RTN4: variants seen among roughly 807,000 people sequenced by gnomAD.
RTN4 encodes reticulon 4.
A neutral mutation model predicts 90.4 loss-of-function variants in RTN4; 32 were observed. The observed-to-expected ratio is 0.35, with a 90% CI of 0.27 to 0.48. RTN4 has a LOEUF of 0.48. RTN4 is among the 20% of genes least tolerant of loss of function. The pLI is 0.99. For synonymous variants in RTN4, 629 were observed against 552.5 expected (o/e 1.14, Z -1.94); for missense variants, 1,706 against 1,430.2 (o/e 1.19, Z -3.11).
chr2:55,113,025 T>C (rs550100132), upstream of RTN4, among the ~76,000 whole-genome samples: 4 of 152,280 alleles, frequency 2.6e-5, no homozygotes, highest in East Asian at 7.7e-4. Context: ...GGGAGCTCAG[T>C]GGATGGTCCA....
chr2:55,137,375 G>C, the RTN4 span, among the ~76,000 whole-genome samples: 3 of 152,162 alleles, frequency 2.0e-5, no homozygotes, highest in Admixed American at 6.5e-5. Context: ...TGACGCTACG[G>C]AGTCAGGAAA....
At chr2:55,092,237 T>C (rs1558876537) in intron 1 of RTN4, among the ~76,000 whole-genome samples, 1 of 150,538 alleles carries the variant, frequency 6.6e-6, no homozygotes, top group Non-Finnish European at 1.5e-5. Context: ...TTTTTTCTTT[T>C]CTTTTTTTTT....
At chr2:55,087,222 A>G (rs1668857119) in intron 1 of RTN4, among the ~76,000 whole-genome samples, 2 of 152,176 alleles carry the variant, frequency 1.3e-5, no homozygotes, top group Non-Finnish European at 2.9e-5. Flanking sequence ...GTTTCTGTTC[A>G]GTATATACCT....
At chr2:55,125,892 TC>T in the RTN4 span, among the ~76,000 whole-genome samples, 9 of 149,430 alleles carry the variant, frequency 6.0e-5, no homozygotes, top group Non-Finnish European at 1.2e-4. Context: ...AAACCCCATC[TC>T]TAATAAAAAT....
chr2:55,073,868 GCCAGGA>G (rs1271542088), intron 2 of RTN4, among the ~76,000 whole-genome samples: 1 of 152,198 alleles, frequency 6.6e-6, no homozygotes, highest in Non-Finnish European at 1.5e-5. Context: ...TGGTGGCAGT[GCCAGGA>G]CCTGAGCTCA....
the RTN4 span, among the ~76,000 whole-genome samples, chr2:55,136,856 T>C: frequency 6.6e-6 from 1 of 152,220 alleles, no homozygotes; most frequent in East Asian, 1.9e-4. Flanking sequence ...CCTACTTAAT[T>C]GAATTCAGCA....
At chr2:55,028,725 T>G (rs1682088854) in intron 1 of RTN4, among the ~76,000 whole-genome samples, 1 of 152,204 alleles carries the variant, frequency 6.6e-6, no homozygotes, top group South Asian at 2.1e-4. Flanking sequence ...TTACAGTCAT[T>G]GTACATTGCT....
Position 54,972,908 on chromosome 2 carries a change from G to A in RTN4, c.*248C>T. On this transcript the variant is annotated 3_prime_UTR_variant, in exon 9 of 9. Transcript: ENST00000337526. ...TTTTATTCCACCAGTGCCTCAGATA[G>A]ATAGGAAAAAGATATGATTACGGTT... 2.7e-6 allele frequency: 1 copy of A among 366,274 alleles called. No homozygotes were observed. The highest frequency in any genetic ancestry group is 4.9e-6 in the Non-Finnish European group (1 of 204,956). The allele number at this position is 366,274 out of a possible 1,614,324, so 22.7% of individuals were successfully genotyped here. A position where few individuals can be genotyped will look rare whatever the true frequency, so the allele number is the denominator to read the frequency against.
intron 3 of RTN4, among the ~76,000 whole-genome samples, chr2:54,996,263 A>C (rs1321986754): frequency 1.3e-5 from 2 of 152,178 alleles, no homozygotes; most frequent in South Asian, 2.1e-4. Flanking sequence ...AGACAGTAAC[A>C]CTCCTCAAAT....
At chr2:55,100,889 T>TC (rs1466095416) in intron 1 of RTN4, among the ~76,000 whole-genome samples, 1 of 151,768 alleles carries the variant, frequency 6.6e-6, no homozygotes, top group Middle Eastern at 3.2e-3. Flanking sequence ...TTTTTTTTTT[T>TC]TACTCTTACC....
At chr2:55,102,336 A>G (rs942923355) in intron 1 of RTN4, among the ~76,000 whole-genome samples, 5 of 152,134 alleles carry the variant, frequency 3.3e-5, no homozygotes, top group African/African-American at 1.2e-4. Flanking sequence ...GAAGGGCCAG[A>G]TAGTAAATCT....
chr2:55,049,068 C>A, intron 1 of RTN4: 1 of 982,642 alleles, frequency 1.0e-6, no homozygotes, highest in Non-Finnish European at 1.2e-6. Context: ...TGGGCGGTGG[C>A]AGGACTTTAC....
At chr2:55,088,518 T>C (rs1054306925) in intron 1 of RTN4, among the ~76,000 whole-genome samples, 4 of 152,244 alleles carry the variant, frequency 2.6e-5, no homozygotes, top group Non-Finnish European at 4.4e-5. Flanking sequence ...CTGAATACTT[T>C]GGAACAGGGT....
At chr2:55,023,919 C>A (rs571720954) in intron 3 of RTN4, among the ~76,000 whole-genome samples, 3 of 152,216 alleles carry the variant, frequency 2.0e-5, no homozygotes, top group Non-Finnish European at 2.9e-5. Flanking sequence ...TAGTCCTCTT[C>A]TCTTGATTCT....
chr2:55,129,265 T>C, the RTN4 span, among the ~76,000 whole-genome samples: 3 of 151,922 alleles, frequency 2.0e-5, no homozygotes, highest in Non-Finnish European at 4.4e-5. Context: ...AAATTATCAT[T>C]GTTTTCTCAT....
intron 2 of RTN4, among the ~76,000 whole-genome samples, chr2:55,061,289 C>T (rs979856363): frequency 6.6e-6 from 1 of 152,120 alleles, no homozygotes; most frequent in East Asian, 1.9e-4. Flanking sequence ...GTCTCAAACT[C>T]CTGACCTCAG....
intron 1 of RTN4, among the ~76,000 whole-genome samples, chr2:55,082,455 C>A (rs1668739643): frequency 6.6e-6 from 1 of 152,164 alleles, no homozygotes; most frequent in African/African-American, 2.4e-5. Flanking sequence ...AACAGGCCAT[C>A]CCCAGCAAGC....
rs932764909 is a variant in RTN4 at position 55,039,166 on chromosome 2, G to A, written c.556+10579C>T. 2.0e-5 allele frequency among the ~76,000 whole-genome samples: 3 copies of A among 152,320 alleles called. No homozygotes were observed. In the South Asian group the frequency reaches 6.2e-4, roughly 32 times the overall value. On this transcript the variant is annotated intron_variant, in intron 1 of 8. Coordinates refer to ENST00000337526, the MANE Select transcript of RTN4 (RefSeq NM_020532.5). Reference sequence around the variant, plus strand: ...CCCAAGAGATCTTTCTAGGATGATAGAAATGTTCTATATCTTGTCAGAGGT... The same window carrying A: ...CCCAAGAGATCTTTCTAGGATGATAAAAATGTTCTATATCTTGTCAGAGGT...
intron 1 of RTN4, among the ~76,000 whole-genome samples, chr2:55,091,846 A>T (rs1295479495): frequency 2.7e-5 from 4 of 149,950 alleles, no homozygotes; most frequent in Non-Finnish European, 6.0e-5. Context: ...GGCAAGAGAA[A>T]AATAAAAAAG....
Sources: gnomAD v4.1 joint callset for allele counts (sites outside exome capture counted in the v4.1 genomes callset) on GRCh38, gnomAD v4.1.1 for gene constraint, MANE v1.5 for transcripts, NCBI Gene and HGNC (gene_info 2026-07-23, HGNC 2026-07-21) for gene names.